UBAP1: variants seen among roughly 807,000 people sequenced by gnomAD.
The protein encoded by UBAP1 is ubiquitin-associated protein 1.
Under a neutral mutation model 39.0 loss-of-function variants are expected in UBAP1, and 5 were observed. The observed-to-expected ratio is 0.13, with a 90% confidence interval of 0.07 to 0.27. The LOEUF (loss-of-function observed/expected upper bound fraction) is 0.27, where lower values mean the gene tolerates loss of function less well. UBAP1 is among the 10% of genes least tolerant of loss of function. The pLI is 1.00. For synonymous variants in UBAP1, 211 were observed against 225.1 expected (o/e 0.94, Z 0.56); for missense variants, 490 against 608.1 (o/e 0.81, Z 2.04).
intron 1 of UBAP1, among the ~76,000 whole-genome samples, chr9:34,181,181 C>G (rs1394732459): frequency 3.1e-5 from 4 of 128,110 alleles, no homozygotes; most frequent in Admixed American, 2.9e-4. Context: ...GTGGCGCAAT[C>G]TCAGCTCACT....
chr9:34,232,089 G>A (rs1273522455), intron 2 of UBAP1, among the ~76,000 whole-genome samples: 3 of 151,746 alleles, frequency 2.0e-5, no homozygotes, highest in Admixed American at 6.6e-5. Flanking sequence ...CCGCCTCCTA[G>A]GTTCAAGCAG....
intron 1 of UBAP1, among the ~76,000 whole-genome samples, chr9:34,182,148 A>G (rs1830072300): frequency 7.0e-6 from 1 of 142,500 alleles, no homozygotes; most frequent in Non-Finnish European, 1.5e-5. Flanking sequence ...ATGGTATTTA[A>G]GGATCCCTGA....
rs1833055140 is a variant in UBAP1, at chr9:34,226,119, G to GTGTGTGTGTGTGTGTGTT, written c.34+5188_34+5189insTTGTGTGTGTGTGTGTGT. 6.8e-4 allele frequency among the ~76,000 whole-genome samples: 66 copies of GTGTGTGTGTGTGTGTGTT among 97,500 alleles called. 1 individual carries two copies. Among genetic ancestry groups the GTGTGTGTGTGTGTGTGTT allele is most frequent in the African/African-American group, 1.6e-3 (52 of 32,420 alleles). The allele number at this position is 97,500 out of a possible 152,430, so 64.0% of individuals were successfully genotyped here. On this transcript the variant is annotated intron_variant, in intron 2 of 6. Transcript: ENST00000297661. The stretch of plus-strand genomic sequence containing the variant: ...CTCCTACTCTATTGTGTGTGTGTGT[G>GTGTGTGTGTGTGTGTGTT]TGTGTGTGTGTGTGTGTGTGTGTGT...
chr9:34,187,829 T>A (rs563901637), intron 1 of UBAP1, among the ~76,000 whole-genome samples: 74 of 151,156 alleles, frequency 4.9e-4, no homozygotes, highest in Non-Finnish European at 2.5e-4. Flanking sequence ...TTTGCTTTTT[T>A]TAAAAAAAAA....
At chr9:34,189,687 AG>A in intron 1 of UBAP1, among the ~76,000 whole-genome samples, 2 of 152,046 alleles carry the variant, frequency 1.3e-5, no homozygotes, top group South Asian at 4.2e-4. Context: ...CCCAGGCTGG[AG>A]TGCAATGGTA....
At chr9:34,240,453 A>G (rs1341428147) in intron 3 of UBAP1, among the ~76,000 whole-genome samples, 1 of 152,184 alleles carries the variant, frequency 6.6e-6, no homozygotes, top group African/African-American at 2.4e-5. Context: ...GTGAAAGCCA[A>G]AGATTTTGTT....
intron 1 of UBAP1, among the ~76,000 whole-genome samples, chr9:34,212,505 G>A (rs182610453): frequency 6.6e-6 from 1 of 151,756 alleles, no homozygotes; most frequent in Admixed American, 6.6e-5. Context: ...CCTATGTTAT[G>A]TGCCTTTAGT....
intron 1 of UBAP1, among the ~76,000 whole-genome samples, chr9:34,216,171 A>AT (rs909593850): frequency 7.0e-6 from 1 of 143,084 alleles, no homozygotes; most frequent in Non-Finnish European, 1.5e-5. Context: ...TCTGCTGCCA[A>AT]TTTTTTTCTG....
Position 34,241,357 on chromosome 9 carries a change from C to T in UBAP1, c.332C>T (p.Ala111Val), listed in dbSNP as rs774889449. The stretch of plus-strand genomic sequence containing the variant: ...AGCTTCTCCAAGACTCACAGTACAG[C>T]CACAATGCCACCTCCTATTAACCCC... Reference protein sequence around the residue: ...KMSFSKTHSTATMPPPINPIL... With the variant: ...KMSFSKTHSTVTMPPPINPIL... The change falls in exon 4 of 7, where the codon GCC becomes GTC. Residue 111 changes from alanine (A) to valine (V), a missense_variant. Ala to Val is a moderately conservative substitution (Grantham distance 64). Coordinates refer to ENST00000297661, the MANE Select transcript of UBAP1 (RefSeq NM_016525.5). 52 of 1,542,708 alleles carry T rather than the reference C, an allele frequency of 3.4e-5. 1 individual carries two copies. The South Asian group carries it at 5.4e-4, about 16-fold the overall frequency.
chr9:34,179,039 A>T (rs200117818), upstream of UBAP1: 1,377 of 1,263,426 alleles, frequency 1.1e-3, 2 homozygotes, highest in Non-Finnish European at 1.3e-3. Context: ...GAGGGGAAGG[A>T]GGAGGGAAGT....
At chr9:34,189,520 A>T (rs1256395114) in intron 1 of UBAP1, among the ~76,000 whole-genome samples, 1 of 151,758 alleles carries the variant, frequency 6.6e-6, no homozygotes, top group Non-Finnish European at 1.5e-5. Flanking sequence ...ACCTCATGAG[A>T]GAAGTGATCT....
At chr9:34,206,167 A>T (rs1831676573) in intron 1 of UBAP1, 3 of 152,218 alleles carry the variant, frequency 2.0e-5, no homozygotes, top group African/African-American at 7.2e-5. Flanking sequence ...TCTCCCTTCC[A>T]AGTACTAACC....
intron 2 of UBAP1, chr9:34,223,877 C>T (rs954869426): frequency 4.2e-5 from 10 of 237,920 alleles, no homozygotes; most frequent in Non-Finnish European, 7.3e-5. Flanking sequence ...GGTTGAATTT[C>T]ACTGGCTTTA....
chr9:34,205,917 C>T (rs1433622148), intron 1 of UBAP1, among the ~76,000 whole-genome samples: 4 of 152,086 alleles, frequency 2.6e-5, no homozygotes, highest in African/African-American at 7.2e-5. Context: ...GCATGAACCC[C>T]GGAGGTGGAG....
intron 1 of UBAP1, chr9:34,220,502 T>G (rs1209944938): frequency 6.4e-6 from 1 of 157,192 alleles, no homozygotes; most frequent in African/African-American, 2.4e-5. Context: ...TTTTTTCAAT[T>G]TTTTATAGGG....
intron 1 of UBAP1, among the ~76,000 whole-genome samples, chr9:34,184,333 T>A (rs561571388): frequency 6.6e-6 from 1 of 151,606 alleles, no homozygotes; most frequent in East Asian, 2.0e-4. Flanking sequence ...CTTTTTTTTT[T>A]AGATAGTCTC....
intron 4 of UBAP1, among the ~76,000 whole-genome samples, chr9:34,248,665 T>C (rs749853777): frequency 2.8e-4 from 42 of 152,194 alleles, no homozygotes; most frequent in Non-Finnish European, 3.4e-4. Context: ...GTGGGTGAGA[T>C]GGTTAAGCAC....
rs1185033278 is a variant in UBAP1 at position 34,241,240 on chromosome 9, T to A, written c.215T>A (p.Ile72Asn). The change falls in exon 4 of 7, where the codon ATC becomes AAC. Residue 72 changes from isoleucine (I) to asparagine (N), a missense_variant. Physicochemically the swap from Ile to Asn is moderately radical, Grantham distance 149 (BLOSUM62 -3). Coordinates refer to ENST00000297661, the MANE Select transcript of UBAP1 (RefSeq NM_016525.5). ...TIEWAEEIKKIEEAEREAECK... is the reference protein window; with the variant it reads ...TIEWAEEIKKNEEAEREAECK... ...GAGTGGGCTGAAGAGATTAAGAAAA[T>A]CGAAGAAGCCGAGCGGGAAGCAGAG... 1 of 1,499,410 alleles carries A rather than the reference T, an allele frequency of 6.7e-7. No individual in the cohort carries two copies. The highest frequency in any genetic ancestry group is 8.9e-7 in the Non-Finnish European group (1 of 1,125,402). The allele number at this position is 1,499,410 out of a possible 1,614,324, so 92.9% of individuals were successfully genotyped here.
chr9:34,241,520 A>G lies in UBAP1; in HGVS notation c.495A>G (p.Pro165=), dbSNP rs760015079. The G allele has an allele frequency of 2.5e-6, 4 of 1,614,158 alleles. No individual in the cohort carries two copies. Among genetic ancestry groups the G allele is most frequent in the Admixed American group, 3.3e-5 (2 of 60,010 alleles). The change falls in exon 4 of 7, where the codon CCA becomes CCG. Residue 165 remains proline (P), a synonymous_variant. Transcript: ENST00000297661. ...NLADFECEED[P]FDNLELKTID... ...CTGACTTTGAGTGTGAAGAAGACCCATTTGATAATCTGGAGTTAAAAACTA... is the reference window on the plus strand; with the variant it reads ...CTGACTTTGAGTGTGAAGAAGACCCGTTTGATAATCTGGAGTTAAAAACTA...
Sources: gnomAD v4.1 joint callset for allele counts (sites outside exome capture counted in the v4.1 genomes callset) on GRCh38, gnomAD v4.1.1 for gene constraint, MANE v1.5 for transcripts, NCBI Gene and HGNC (gene_info 2026-07-23, HGNC 2026-07-21) for gene names.